Variants in MIR2052HG observed in about 807,000 individuals in gnomAD.
MIR2052HG encodes MIR2052 host gene.
At chr8:74,672,315 C>T (rs965291767) in intron 2 of MIR2052HG, among the ~76,000 whole-genome samples, 2 of 152,040 alleles carry the variant, frequency 1.3e-5, no homozygotes, top group African/African-American at 4.8e-5. Flanking sequence ...TTATATGAAG[C>T]ACAGGAATTC....
intron 2 of MIR2052HG, chr8:74,702,305 T>C (rs1008419812): frequency 2.3e-4 from 77 of 342,002 alleles, no homozygotes; most frequent in African/African-American, 1.5e-3. Flanking sequence ...TGCATAGTTA[T>C]ATTGGATGAT....
At chr8:74,614,980 C>T (rs944814767) in intron 2 of MIR2052HG, 1 of 152,068 alleles carries the variant, frequency 6.6e-6, no homozygotes, top group African/African-American at 2.4e-5. Flanking sequence ...AAGGAAGAAC[C>T]AATTTTAATT....
chr8:74,652,032 T>C (rs1808758334), intron 2 of MIR2052HG, among the ~76,000 whole-genome samples: 1 of 152,144 alleles, frequency 6.6e-6, no homozygotes, highest in African/African-American at 2.4e-5. Flanking sequence ...TCAGTCGACT[T>C]AGAACCCATT....
intron 2 of MIR2052HG, among the ~76,000 whole-genome samples, chr8:74,620,396 GT>G (rs1563514760): frequency 6.6e-6 from 1 of 152,202 alleles, no homozygotes; most frequent in Non-Finnish European, 1.5e-5. Flanking sequence ...CCAACCTCAC[GT>G]TTCCCTTCTG....
At chr8:74,742,716 T>A (rs554822387) in intron 4 of MIR2052HG, among the ~76,000 whole-genome samples, 1 of 152,286 alleles carries the variant, frequency 6.6e-6, no homozygotes, top group African/African-American at 2.4e-5. Flanking sequence ...CCATTCTCCT[T>A]CCTCCCCAAA....
chr8:74,605,207 G>T (rs1808093972), intron 1 of MIR2052HG, among the ~76,000 whole-genome samples: 2 of 152,088 alleles, frequency 1.3e-5, no homozygotes, highest in African/African-American at 4.8e-5. Context: ...GCCATTACTT[G>T]CATGCTATTT....
At chr8:74,694,234 G>A (rs1344086198) in intron 2 of MIR2052HG, among the ~76,000 whole-genome samples, 1 of 152,166 alleles carries the variant, frequency 6.6e-6, no homozygotes, top group Non-Finnish European at 1.5e-5. Context: ...TAGCTCTACT[G>A]GCTGGTGAAA....
intron 2 of MIR2052HG, among the ~76,000 whole-genome samples, chr8:74,675,855 G>A (rs986805143): frequency 9.9e-5 from 15 of 151,806 alleles, no homozygotes; most frequent in Non-Finnish European, 5.9e-5. Context: ...TGCGCAATCC[G>A]TCCTTATTAG....
chr8:74,731,384 A>C (rs1242313437), intron 4 of MIR2052HG, among the ~76,000 whole-genome samples: 1 of 152,188 alleles, frequency 6.6e-6, no homozygotes, highest in Non-Finnish European at 1.5e-5. Context: ...TATTCTGGGT[A>C]TGGATTTGCC....
At chr8:74,603,856 TGAGCCC>T in intron 1 of MIR2052HG, 1 of 915,754 alleles carries the variant, frequency 1.1e-6, no homozygotes, top group Non-Finnish European at 1.8e-6. Flanking sequence ...CATCTAGACC[TGAGCCC>T]CTGTACTCTC....
intron 2 of MIR2052HG, among the ~76,000 whole-genome samples, chr8:74,669,973 G>C (rs1808973149): frequency 6.6e-6 from 1 of 152,064 alleles, no homozygotes; most frequent in African/African-American, 2.4e-5. Flanking sequence ...GGTCAAATGA[G>C]GTCTTAAATG....
intron 4 of MIR2052HG, among the ~76,000 whole-genome samples, chr8:74,746,149 C>T (rs918800305): frequency 6.6e-6 from 1 of 152,164 alleles, no homozygotes; most frequent in Non-Finnish European, 1.5e-5. Flanking sequence ...CTCTCAATCA[C>T]TCGCAATGTA....
intron 2 of MIR2052HG, among the ~76,000 whole-genome samples, chr8:74,662,602 G>A (rs977785298): frequency 3.9e-5 from 6 of 152,076 alleles, no homozygotes; most frequent in African/African-American, 7.2e-5. Flanking sequence ...AAGAAGTTGC[G>A]TTCTGTAAGG....
intron 2 of MIR2052HG, among the ~76,000 whole-genome samples, chr8:74,664,225 A>G (rs1413252941): frequency 2.0e-5 from 3 of 151,978 alleles, no homozygotes; most frequent in Non-Finnish European, 2.9e-5. Context: ...AGAATTCACC[A>G]CTATTGTCCA....
At chr8:74,636,879 T>A (rs535453078) in intron 2 of MIR2052HG, among the ~76,000 whole-genome samples, 8 of 152,286 alleles carry the variant, frequency 5.3e-5, no homozygotes, top group African/African-American at 1.9e-4. Flanking sequence ...TATATTATGA[T>A]GCAGATTCTG....
At chr8:74,607,410 G>A (rs1808127922) in intron 1 of MIR2052HG, among the ~76,000 whole-genome samples, 1 of 152,150 alleles carries the variant, frequency 6.6e-6, no homozygotes, top group Admixed American at 6.5e-5. Flanking sequence ...TCAGGAGTTT[G>A]AGACTAGCCT....
chr8:74,622,969 A>G (rs1808384304), intron 2 of MIR2052HG, among the ~76,000 whole-genome samples: 1 of 152,230 alleles, frequency 6.6e-6, no homozygotes, highest in African/African-American at 2.4e-5. Context: ...ACAGTAGCAG[A>G]AAGTAGTGGT....
intron 2 of MIR2052HG, among the ~76,000 whole-genome samples, chr8:74,645,565 G>A (rs778577136): frequency 6.6e-5 from 10 of 152,314 alleles, no homozygotes; most frequent in South Asian, 2.1e-4. Context: ...GATTACCGGC[G>A]CGAGCCACTG....
chr8:74,720,290 C>A (rs1586923006), intron 4 of MIR2052HG, among the ~76,000 whole-genome samples: 1 of 152,222 alleles, frequency 6.6e-6, no homozygotes, highest in East Asian at 1.9e-4. Flanking sequence ...CAAAGTGAGT[C>A]TCTCTCAGCA....
Sources: allele counts gnomAD v4.1 joint callset (sites outside exome capture counted in the v4.1 genomes callset), GRCh38; gene constraint gnomAD v4.1.1; transcripts MANE v1.5; gene names NCBI Gene and HGNC (gene_info 2026-07-23, HGNC 2026-07-21).